ALPK3: variants seen among roughly 807,000 people sequenced by gnomAD.
ALPK3 encodes alpha-protein kinase 3.
A neutral mutation model predicts 140.0 loss-of-function variants in ALPK3; 102 were observed. The observed-to-expected ratio is 0.73, with a 90% CI of 0.62 to 0.86. ALPK3 has a LOEUF of 0.86. ALPK3 is among the 40% of genes least tolerant of loss of function. The probability of loss-of-function intolerance (pLI) is 0.00; values close to 1 mark genes in which losing one functional copy is unlikely to be tolerated. For synonymous variants in ALPK3, 938 were observed against 898.5 expected (o/e 1.04, Z -0.79); for missense variants, 2,254 against 2,208.2 (o/e 1.02, Z -0.42).
chr15:84,850,773 A>G (rs770815160), intron 5 of ALPK3, among the ~76,000 whole-genome samples: 6 of 152,136 alleles, frequency 3.9e-5, no homozygotes, highest in Non-Finnish European at 8.8e-5. Context: ...TATCCCTTGT[A>G]GTAAAAAAGC....
intron 1 of ALPK3, among the ~76,000 whole-genome samples, chr15:84,821,439 G>A (rs1414063546): frequency 6.6e-6 from 1 of 152,202 alleles, no homozygotes; most frequent in Non-Finnish European, 1.5e-5. Context: ...ACCCAAAGAA[G>A]AAGAAATCTC....
chr15:84,857,174 G>A lies in ALPK3; in HGVS notation c.2436G>A (p.Gln812=). The A allele has an allele frequency of 6.2e-7, 1 of 1,613,908 alleles. No individual in the cohort carries two copies. ...CGCCCCATGAGGGGAGTGTGGAGCA[G>A]GTGGGAGGAGAGAGATGCCGAGGGC... The part of the protein sequence containing the change: ...AQPPHEGSVE[Q]VGGERCRGPQ... Residue 812 remains glutamine, a synonymous_variant, in exon 6 of 14, where the codon CAG becomes CAA. Transcript: ENST00000258888.
At chr15:84,861,412 C>T (rs544789242) in intron 9 of ALPK3, among the ~76,000 whole-genome samples, 15 of 152,102 alleles carry the variant, frequency 9.9e-5, no homozygotes, top group Non-Finnish European at 1.5e-5. Flanking sequence ...GCTGTGTATA[C>T]CTTTTGCATC....
In ALPK3 at chr15:84,817,679, G is replaced by A; in HGVS notation, c.143+84G>A. 3 of 1,359,866 alleles carry A rather than the reference G, an allele frequency of 2.2e-6. No individual in the cohort carries two copies. In the Admixed American group the frequency reaches 1.0e-4, roughly 47 times the overall value. 84.2% of individuals were successfully genotyped at this position (1,359,866 alleles called of 1,614,324 possible). ...TGTGAGGGCGGCCTGGCCCCTGGAGGCCTGGGCTGGGCCTGCGCCCTCGAG... is the reference window on the plus strand; with the variant it reads ...TGTGAGGGCGGCCTGGCCCCTGGAGACCTGGGCTGGGCCTGCGCCCTCGAG... On this transcript the variant is annotated intron_variant, in intron 1 of 13. Transcript: ENST00000258888.
intron 5 of ALPK3, among the ~76,000 whole-genome samples, chr15:84,843,196 GT>G (rs1446495351): frequency 6.6e-6 from 1 of 152,372 alleles, no homozygotes; most frequent in African/African-American, 2.4e-5. Flanking sequence ...GCTGGGTACA[GT>G]GGCTCATGCC....
chr15:84,832,926 A>C (rs1963558478), intron 3 of ALPK3, among the ~76,000 whole-genome samples: 1 of 152,166 alleles, frequency 6.6e-6, no homozygotes, highest in African/African-American at 2.4e-5. Context: ...GTTTAAGAGC[A>C]ATGTGGAGAT....
In ALPK3 at chr15:84,839,747, C is replaced by G. The variant is rs1567089409; in HGVS notation, c.468C>G (p.Asn156Lys). The change falls in exon 5 of 14, where the codon AAC (asparagine) becomes AAG (lysine). Residue 156 changes from asparagine to lysine, a missense_variant. Asn to Lys is a moderately conservative substitution (Grantham distance 94). This residue lies in a region of ALPK3 where 2,088 missense variants were observed against 2,022.9 expected (regional missense o/e 1.03). Coordinates refer to ENST00000258888, the MANE Select transcript of ALPK3 (RefSeq NM_020778.5). The part of the protein sequence containing the change: ...DAAIYQASAQ[N>K]SKGIVSCSGV... The stretch of plus-strand genomic sequence containing the variant: ...CCATCTACCAGGCCTCTGCCCAGAA[C>G]AGCAAGGGCATTGTGTCCTGCTCAG... 2.5e-6 allele frequency: 4 copies of G among 1,613,866 alleles called. No individual in the cohort carries two copies. The highest frequency in any genetic ancestry group is 3.4e-6 in the Non-Finnish European group (4 of 1,179,956).
intron 3 of ALPK3, among the ~76,000 whole-genome samples, chr15:84,835,832 A>T (rs1218009203): frequency 6.6e-6 from 1 of 152,208 alleles, no homozygotes; most frequent in Admixed American, 6.5e-5. Flanking sequence ...CTAAGCACTT[A>T]GTGCATTGCT....
chr15:84,868,637 G>A lies in ALPK3; in HGVS notation c.*181G>A, dbSNP rs1245648124. On this transcript the variant is annotated 3_prime_UTR_variant, in exon 14 of 14. Transcript: ENST00000258888. ...CGTCATCAGATGGCTTTGGTGCATG[G>A]CACATAGCCCACTGGCCTCTTCTGG... is the stretch of plus-strand genomic sequence containing the variant. 3.0e-6 allele frequency: 2 copies of A among 661,846 alleles called. No homozygotes were observed. The highest frequency in any genetic ancestry group is 5.5e-5 in the East Asian group (2 of 36,324). 41.0% of individuals were successfully genotyped at this position (661,846 alleles called of 1,614,324 possible).
At chr15:84,838,896 A>G in intron 3 of ALPK3, 84 bp from the exon 4 acceptor site, 2 of 1,183,466 alleles carry the variant, frequency 1.7e-6, no homozygotes. Context: ...TGCTGGGATT[A>G]CAGGCGTGAG....
At chr15:84,842,653 A>G (rs1159466992) in intron 5 of ALPK3, among the ~76,000 whole-genome samples, 2 of 152,134 alleles carry the variant, frequency 1.3e-5, no homozygotes, top group African/African-American at 4.8e-5. Context: ...GGGAAAGACT[A>G]GTTTTAAGGG....
intron 3 of ALPK3, among the ~76,000 whole-genome samples, chr15:84,836,423 T>C (rs1260751750): frequency 6.6e-6 from 1 of 151,948 alleles, no homozygotes; most frequent in African/African-American, 2.4e-5. Flanking sequence ...GAAATTGAGG[T>C]GTGAGATGAT....
In ALPK3 at chr15:84,862,698, G is replaced by C; in HGVS notation, c.4193G>C (p.Trp1398Ser). The change falls in exon 10 of 14, where the codon TGG becomes TCG. Residue 1398 changes from tryptophan to serine, a missense_variant. Coordinates refer to ENST00000258888, the MANE Select transcript of ALPK3 (RefSeq NM_020778.5). ...AAGGGTCTGGCTGACTCTGGCTGCT[G>C]GGGGGACAAGCTCTTTGGGCGACTG... is the stretch of plus-strand genomic sequence containing the variant. ...FAKGLADSGCWGDKLFGRLVS... is the reference protein window; with the variant it reads ...FAKGLADSGCSGDKLFGRLVS... 6 of 1,614,178 alleles carry C rather than the reference G, an allele frequency of 3.7e-6. No individual in the cohort carries two copies. Among genetic ancestry groups the C allele is most frequent in the Non-Finnish European group, 4.2e-6 (5 of 1,180,026 alleles).
At chr15:84,833,805 G>A (rs926685765) in intron 3 of ALPK3, among the ~76,000 whole-genome samples, 1 of 152,192 alleles carries the variant, frequency 6.6e-6, no homozygotes, top group African/African-American at 2.4e-5. Context: ...ACTCACAGTA[G>A]GCTTGTGGGA....
rs377166800 is a variant in ALPK3 at position 84,857,572 on chromosome 15, G to A, written c.2834G>A (p.Arg945Gln). 25 of 1,575,056 alleles carry A rather than the reference G, an allele frequency of 1.6e-5. No homozygotes were observed. The African/African-American group carries it at 1.9e-4, about 12-fold the overall frequency. Residue 945 changes from arginine to glutamine, a missense_variant, in exon 6 of 14, where the codon CGG (arginine) becomes CAG (glutamine). By Grantham distance (43) the Arg-to-Gln change is conservative (BLOSUM62 1). Transcript: ENST00000258888. ...GCCCAGGTACCAGATGTGGAGGGGC[G>A]GACCCCAGGTCCCCGGAGCTGTGAC... ...ACAQVPDVEG[R>Q]TPGPRSCDPG... is the part of the protein sequence containing the mutation.
rs1328677352 is a variant in ALPK3 at position 84,867,307 on chromosome 15, C to T, written c.4724-10C>T. ...GACTGGCATCAACTCCCAACTTTCT[C>T]TCTTTTCAGGGGTTGACTGGAAGAT... On this transcript the variant is annotated splice_polypyrimidine_tract_variant and intron_variant, in intron 12 of 13. Transcript: ENST00000258888. 6.2e-7 allele frequency: 1 copy of T among 1,613,730 alleles called. No individual in the cohort carries two copies. The highest frequency in any genetic ancestry group is 1.7e-5 in the Admixed American group (1 of 60,010).
intron 6 of ALPK3, 139 bp from the exon 7 acceptor site, chr15:84,859,104 G>A (rs552343559): frequency 6.0e-6 from 7 of 1,174,338 alleles, no homozygotes; most frequent in Admixed American, 2.5e-5. Context: ...AGGAGGCACC[G>A]GGGGGCTGTG....
intron 5 of ALPK3, among the ~76,000 whole-genome samples, chr15:84,846,535 A>C (rs1963733165): frequency 2.0e-5 from 3 of 152,100 alleles, no homozygotes; most frequent in African/African-American, 7.2e-5. Flanking sequence ...AATACAAAAA[A>C]GTTAGCTGGG....
chr15:84,818,827 G>A (rs141198397), intron 1 of ALPK3, among the ~76,000 whole-genome samples: 2,945 of 152,316 alleles, frequency 0.019, 38 homozygotes, highest in Non-Finnish European at 0.031. Flanking sequence ...TGCCAGGAAA[G>A]AATACCCCTT....
Sources: allele counts gnomAD v4.1 joint callset (sites outside exome capture counted in the v4.1 genomes callset), GRCh38; gene constraint gnomAD v4.1.1; regional missense constraint gnomAD v4.1.1; transcripts MANE v1.5; gene names NCBI Gene and HGNC (gene_info 2026-07-23, HGNC 2026-07-21).